The following NRXN2 variants were observed in gnomAD, a reference collection of about 807,000 sequenced individuals.
NRXN2 encodes the protein neurexin 2, also known as neurexin-2-beta.
Under a neutral mutation model 128.8 loss-of-function variants are expected in NRXN2, and 29 were observed. The observed-to-expected ratio is 0.23, with a 90% CI of 0.17 to 0.31. The LOEUF (loss-of-function observed/expected upper bound fraction) is 0.31, where lower values mean the gene tolerates loss of function less well. NRXN2 is among the 10% of genes least tolerant of loss of function. NRXN2 has a pLI of 1.00. For missense variants in NRXN2, 1,881 were observed against 2,452.6 expected, an observed-to-expected ratio of 0.77 and a Z score of 4.92; for synonymous variants, 1,098 against 1,075.2, an observed-to-expected ratio of 1.02 and a Z score of -0.41.
intron 6 of NRXN2, among the ~76,000 whole-genome samples, chr11:64,683,478 G>C (rs2135558506): frequency 6.6e-6 from 1 of 152,188 alleles, no homozygotes; most frequent in South Asian, 2.1e-4. Context: ...AAATTAGCTG[G>C]GTGTGGTAGC....
chr11:64,635,291 C>T lies in NRXN2; in HGVS notation c.3565G>A (p.Asp1189Asn). 1 of 1,613,040 alleles carries T rather than the reference C, an allele frequency of 6.2e-7. No homozygotes were observed. The highest frequency in any genetic ancestry group is 8.5e-7 in the Non-Finnish European group (1 of 1,179,962). The stretch of plus-strand genomic sequence containing the variant: ...CTTACGATGTGCAGCTGCAGGTAGT[C>T]TCCAAGGCCGGAGGCGCTGTCCACC... ...VRVDSASGLG[D>N]YLQLHIDQGT... Residue 1189 changes from aspartate to asparagine, a missense_variant, in exon 18 of 23, where the codon GAC becomes AAC. Asp to Asn is a conservative substitution (Grantham distance 23, BLOSUM62 1). Transcript: ENST00000265459. This position sits in a 1 kb window ranked among gnomAD's most constrained non-coding sequence, Gnocchi z 4.8.
chr11:64,718,757 G>A (rs1033315874), intron 1 of NRXN2, among the ~76,000 whole-genome samples: 6 of 152,080 alleles, frequency 3.9e-5, no homozygotes, highest in Admixed American at 6.5e-5. Context: ...CCTTTCCCCC[G>A]TGAAATTCCA....
intron 22 of NRXN2, among the ~76,000 whole-genome samples, chr11:64,612,863 G>A (rs2040881659): frequency 1.3e-5 from 2 of 152,202 alleles, no homozygotes; most frequent in Admixed American, 1.3e-4. Context: ...GTGACCCTGT[G>A]GTGCATGATT....
chr11:64,620,516 C>A, intron 21 of NRXN2, 144 bp from the exon 22 acceptor site: 1 of 693,442 alleles, frequency 1.4e-6, no homozygotes, highest in Non-Finnish European at 2.6e-6. Context: ...GCCCTCCCAT[C>A]TCTTGCTGGC....
At chr11:64,691,090 G>A (rs572149981) in intron 4 of NRXN2, among the ~76,000 whole-genome samples, 6 of 152,142 alleles carry the variant, frequency 3.9e-5, no homozygotes, top group African/African-American at 7.2e-5. Flanking sequence ...GTGAGTGCTC[G>A]GAAGCTCACC....
intron 1 of NRXN2, among the ~76,000 whole-genome samples, chr11:64,719,876 G>A (rs774321447): frequency 8.5e-5 from 13 of 152,302 alleles, no homozygotes; most frequent in South Asian, 2.1e-4. Context: ...GTGTGTGTGC[G>A]TGCAGGGAAG....
intron 1 of NRXN2, among the ~76,000 whole-genome samples, chr11:64,715,934 C>G (rs564699521): frequency 1.4e-4 from 21 of 152,316 alleles, no homozygotes; most frequent in African/African-American, 3.9e-4. Flanking sequence ...CTCACCCCCC[C>G]ACACACAAGC....
intron 17 of NRXN2, among the ~76,000 whole-genome samples, chr11:64,636,023 G>A (rs766644023): frequency 1.3e-5 from 2 of 150,814 alleles, no homozygotes; most frequent in Admixed American, 6.6e-5. Context: ...CCCTGCTTCC[G>A]CCCTCACCCA....
In NRXN2 at chr11:64,607,171, G is replaced by A; in HGVS notation, c.*25C>T. The A allele has an allele frequency of 6.2e-7, 1 of 1,606,650 alleles. No individual in the cohort carries two copies. Among genetic ancestry groups the A allele is most frequent in the African/African-American group, 1.3e-5 (1 of 74,894 alleles). Reference sequence around the variant, plus strand: ...CCGGGCCCTCCCAGGAGGGGCAGCTGGCAGTGGGGCGCAGTGCCGGGGGCT... The same window carrying A: ...CCGGGCCCTCCCAGGAGGGGCAGCTAGCAGTGGGGCGCAGTGCCGGGGGCT... On this transcript the variant is annotated 3_prime_UTR_variant, in exon 23 of 23. Transcript: ENST00000265459.
chr11:64,623,337 GC>G lies in NRXN2; in HGVS notation c.3848-260del. Reference sequence around the variant, plus strand: ...GGTACACATGGGCTGGGGAAGGGGAGCCCAGTCCCTCCTCCCCACCATGTGC... The same window carrying G: ...GGTACACATGGGCTGGGGAAGGGGAGCCAGTCCCTCCTCCCCACCATGTGC... On this transcript the variant is annotated intron_variant, in intron 20 of 22. Coordinates refer to ENST00000265459, the MANE Select transcript of NRXN2 (RefSeq NM_015080.4). This position sits in a 1 kb window ranked among gnomAD's most constrained non-coding sequence, Gnocchi z 4.9. The G allele has an allele frequency of 1.7e-6, 1 of 572,436 alleles. No individual in the cohort carries two copies. The highest frequency in any genetic ancestry group is 3.1e-6 in the Non-Finnish European group (1 of 324,192). The allele number at this position is 572,436 out of a possible 1,614,324, so 35.5% of individuals were successfully genotyped here. A position where few individuals can be genotyped will look rare whatever the true frequency, so the allele number is the denominator to read the frequency against.
intron 22 of NRXN2, among the ~76,000 whole-genome samples, chr11:64,617,161 C>T (rs968333061): frequency 1.3e-5 from 2 of 151,254 alleles, no homozygotes; most frequent in Admixed American, 6.6e-5. Flanking sequence ...TAGGTTTGAA[C>T]GTGTGTGTGT....
intron 3 of NRXN2, among the ~76,000 whole-genome samples, chr11:64,694,949 C>T (rs972063605): frequency 2.0e-5 from 3 of 152,156 alleles, no homozygotes; most frequent in Admixed American, 2.0e-4. Context: ...TCTCCCAGAC[C>T]CTTCCACTGC....
At chr11:64,671,179 CA>C (rs1180869250) in intron 7 of NRXN2, among the ~76,000 whole-genome samples, 4 of 152,122 alleles carry the variant, frequency 2.6e-5, no homozygotes, top group Non-Finnish European at 5.9e-5. Flanking sequence ...TCTTATGACC[CA>C]GGGGTGGAGT....
chr11:64,664,809 G>GT (rs989419262), intron 9 of NRXN2, among the ~76,000 whole-genome samples: 8 of 151,536 alleles, frequency 5.3e-5, no homozygotes, highest in Middle Eastern at 3.2e-3. Context: ...GGTCAACACA[G>GT]TGAAACCCCG....
chr11:64,712,871 C>A, intron 2 of NRXN2, 99 bp downstream of exon 2: 1 of 1,103,984 alleles, frequency 9.1e-7, no homozygotes, highest in Non-Finnish European at 1.3e-6. Context: ...GTGCCCAGCC[C>A]CCGTGCCTCA....
Position 64,713,385 on chromosome 11 carries a change from C to T in NRXN2, c.315G>A (p.Thr105=), listed in dbSNP as rs2057134929. 2.0e-6 allele frequency: 3 copies of T among 1,465,514 alleles called. No individual in the cohort carries two copies. Among genetic ancestry groups the T allele is most frequent in the Non-Finnish European group, 2.7e-6 (3 of 1,112,942 alleles). 90.8% of individuals were successfully genotyped at this position (1,465,514 alleles called of 1,614,324 possible). The change falls in exon 2 of 23, where the codon ACG becomes ACA. Residue 105 remains threonine (T), a synonymous_variant. Transcript: ENST00000265459. ...CAEPATLQLD[T]PVADDRWHMV... is the part of the protein sequence containing the mutation. The stretch of plus-strand genomic sequence containing the variant: ...TGTGCCAGCGGTCGTCGGCCACCGG[C>T]GTGTCCAGCTGCAGCGTGGCCGGCT...
At chr11:64,684,429 C>T (rs1033480121) in intron 6 of NRXN2, among the ~76,000 whole-genome samples, 3 of 152,164 alleles carry the variant, frequency 2.0e-5, no homozygotes, top group Non-Finnish European at 4.4e-5. Flanking sequence ...CTCTGTGAAA[C>T]GCAGGGGTCC....
In NRXN2 at chr11:64,648,728, A is replaced by G. The variant is rs2047064543; in HGVS notation, c.3283+6T>C. On this transcript the variant is annotated splice_donor_region_variant and intron_variant, in intron 16 of 22. Coordinates refer to ENST00000265459, the MANE Select transcript of NRXN2 (RefSeq NM_015080.4). This position sits in a 1 kb window ranked among gnomAD's most constrained non-coding sequence, Gnocchi z 4.1. ...GCCACACCTCACTCCTCCACCCTCCACTCACCATCACAGCCCCTCTCCACC... is the reference window on the plus strand; with the variant it reads ...GCCACACCTCACTCCTCCACCCTCCGCTCACCATCACAGCCCCTCTCCACC... 6.2e-7 allele frequency: 1 copy of G among 1,613,098 alleles called. No individual in the cohort carries two copies. The highest frequency in any genetic ancestry group is 8.5e-7 in the Non-Finnish European group (1 of 1,179,870).
At chr11:64,695,771 GC>G (rs1382140927) in intron 3 of NRXN2, among the ~76,000 whole-genome samples, 1 of 151,872 alleles carries the variant, frequency 6.6e-6, no homozygotes, top group African/African-American at 2.4e-5. Context: ...GCCCTGCACA[GC>G]CACTGACATG....
Sources: gnomAD v4.1 joint callset for allele counts (sites outside exome capture counted in the v4.1 genomes callset) on GRCh38, gnomAD v4.1.1 for gene constraint, Gnocchi (gnomAD v3.1) non-coding constraint, MANE v1.5 for transcripts, NCBI Gene and HGNC (gene_info 2026-07-23, HGNC 2026-07-21) for gene names.